The following SKIC3 variants were observed in gnomAD, a reference collection of about 807,000 sequenced individuals.
SKIC3 encodes SKI3 subunit of superkiller complex, also known as superkiller complex protein 3.
At chr5:95,469,016 A>T in the SKIC3 span, among the ~76,000 whole-genome samples, 1 of 152,154 alleles carries the variant, frequency 6.6e-6, no homozygotes. Context: ...ATCTTCCACC[A>T]TCCCTATTTT....
the SKIC3 span, chr5:95,495,552 G>T: frequency 6.5e-6 from 1 of 153,646 alleles, no homozygotes; most frequent in Non-Finnish European, 1.4e-5. Flanking sequence ...TACTTCAAAT[G>T]GCTGTTGAGA....
the SKIC3 span, among the ~76,000 whole-genome samples, chr5:95,483,476 T>C: frequency 4.6e-5 from 7 of 152,210 alleles, no homozygotes; most frequent in African/African-American, 1.7e-4. Flanking sequence ...AATTTATGCT[T>C]AGTAAACACT....
At chr5:95,530,575 T>C in the SKIC3 span, among the ~76,000 whole-genome samples, 1 of 152,144 alleles carries the variant, frequency 6.6e-6, no homozygotes, top group African/African-American at 2.4e-5. Flanking sequence ...GCAGAGTGTC[T>C]TCCTCAAGTT....
chr5:95,552,133 T>C, the SKIC3 span, among the ~76,000 whole-genome samples: 1 of 152,202 alleles, frequency 6.6e-6, no homozygotes, highest in South Asian at 2.1e-4. Context: ...ATTAAATGCA[T>C]TTTGACGTAC....
the SKIC3 span, among the ~76,000 whole-genome samples, chr5:95,490,746 T>A: frequency 6.6e-6 from 1 of 151,992 alleles, no homozygotes; most frequent in Non-Finnish European, 1.5e-5. Flanking sequence ...GATCTGCCCA[T>A]CTCGGCCTCC....
the SKIC3 span, chr5:95,525,746 G>T: frequency 7.2e-7 from 1 of 1,397,594 alleles, no homozygotes; most frequent in Non-Finnish European, 1.0e-6. Flanking sequence ...TTTAATTAAC[G>T]AACGAACACA....
At chr5:95,490,533 T>G in the SKIC3 span, among the ~76,000 whole-genome samples, 1 of 149,974 alleles carries the variant, frequency 6.7e-6, no homozygotes, top group Non-Finnish European at 1.5e-5. Flanking sequence ...AGTCTCGCTC[T>G]GTCACCCAGG....
the SKIC3 span, among the ~76,000 whole-genome samples, chr5:95,549,862 C>T: frequency 2.0e-5 from 3 of 151,790 alleles, no homozygotes; most frequent in Non-Finnish European, 4.4e-5. Flanking sequence ...ATTTTCCTTC[C>T]GAGGGTAAAA....
chr5:95,518,970 A>AT, the SKIC3 span, among the ~76,000 whole-genome samples: 3 of 151,254 alleles, frequency 2.0e-5, no homozygotes, highest in African/African-American at 7.3e-5. Context: ...GCCAGCCTTT[A>AT]TTTTTTGTCT....
At chr5:95,481,986 A>T in the SKIC3 span, among the ~76,000 whole-genome samples, 6 of 152,224 alleles carry the variant, frequency 3.9e-5, no homozygotes, top group African/African-American at 1.2e-4. Context: ...GCACACAGTG[A>T]TCATTGTGCA....
chr5:95,517,020 T>G, the SKIC3 span: 1 of 1,613,696 alleles, frequency 6.2e-7, no homozygotes, highest in Non-Finnish European at 8.5e-7. Flanking sequence ...TCACACCATG[T>G]ATTAGATGTA....
chr5:95,510,146 C>T, the SKIC3 span, among the ~76,000 whole-genome samples: 4 of 152,086 alleles, frequency 2.6e-5, no homozygotes, highest in African/African-American at 4.8e-5. Flanking sequence ...TTGGTACTTT[C>T]GGTGCAGTAT....
the SKIC3 span, among the ~76,000 whole-genome samples, chr5:95,488,058 A>C: frequency 6.6e-6 from 1 of 152,058 alleles, no homozygotes; most frequent in Non-Finnish European, 1.5e-5. Flanking sequence ...TATATCTGAA[A>C]GCTTCAACAA....
At chr5:95,519,095 AACAAAAATCTAAAC>A in the SKIC3 span, among the ~76,000 whole-genome samples, 1 of 151,936 alleles carries the variant, frequency 6.6e-6, no homozygotes, top group African/African-American at 2.4e-5. Context: ...AAAAAAAAAA[AACAAAAATCTAAAC>A]ATAAAAATCT....
At chr5:95,541,348 T>C in the SKIC3 span, 1 of 1,613,690 alleles carries the variant, frequency 6.2e-7, no homozygotes, top group Non-Finnish European at 8.5e-7. Flanking sequence ...CACAAGTTTC[T>C]TGCAGACATC....
the SKIC3 span, among the ~76,000 whole-genome samples, chr5:95,502,211 T>G: frequency 6.6e-6 from 1 of 152,104 alleles, no homozygotes; most frequent in Non-Finnish European, 1.5e-5. Context: ...GAGGCAAGGA[T>G]ATAAGCTTTT....
the SKIC3 span, chr5:95,546,892 G>A: frequency 3.1e-6 from 2 of 641,304 alleles, no homozygotes; most frequent in East Asian, 5.6e-5. Flanking sequence ...TTTGGCAGAG[G>A]TAGTTTATCC....
At chr5:95,528,734 G>T in the SKIC3 span, 1 of 436,946 alleles carries the variant, frequency 2.3e-6, no homozygotes, top group Non-Finnish European at 4.2e-6. Context: ...TACAAAGACA[G>T]AGGACCTCCA....
At chr5:95,521,718 G>A in the SKIC3 span, among the ~76,000 whole-genome samples, 1 of 151,936 alleles carries the variant, frequency 6.6e-6, no homozygotes, top group Admixed American at 6.6e-5. Context: ...AGTAATTAAA[G>A]GTATTAAGAT....
Sources: allele counts gnomAD v4.1 joint callset (sites outside exome capture counted in the v4.1 genomes callset), GRCh38; gene constraint gnomAD v4.1.1; transcripts MANE v1.5; gene names NCBI Gene and HGNC (gene_info 2026-07-23, HGNC 2026-07-21).